CNTNAP2: variants seen among roughly 807,000 people sequenced by gnomAD.
CNTNAP2 encodes contactin associated protein 2.
CNTNAP2 carries 98 observed loss-of-function variants against 155.2 expected under a neutral mutation model. The observed-to-expected ratio is 0.63, with a 90% CI of 0.54 to 0.75. CNTNAP2 has a LOEUF of 0.75. Among genes scored for constraint, CNTNAP2 ranks in the 30% least tolerant of loss-of-function variants. CNTNAP2 has a pLI of 0.00. For missense variants in CNTNAP2, 1,727 were observed against 1,688.1 expected, an observed-to-expected ratio of 1.02 and a Z score of -0.40; for synonymous variants, 651 against 631.2, an observed-to-expected ratio of 1.03 and a Z score of -0.47.
At chr7:146,125,059 A>G (rs1797615300) in intron 1 of CNTNAP2, among the ~76,000 whole-genome samples, 1 of 152,204 alleles carries the variant, frequency 6.6e-6, no homozygotes, top group Admixed American at 6.5e-5. Context: ...ATCCCTAAAG[A>G]ATATGTTAAA....
intron 13 of CNTNAP2, among the ~76,000 whole-genome samples, chr7:147,736,730 C>G (rs1026754931): frequency 6.6e-6 from 1 of 152,084 alleles, no homozygotes; most frequent in Non-Finnish European, 1.5e-5. Flanking sequence ...TCTTTTTATT[C>G]TTTTTTCTCT....
At chr7:148,167,846 C>G (rs1272921777) in intron 17 of CNTNAP2, among the ~76,000 whole-genome samples, 1 of 152,056 alleles carries the variant, frequency 6.6e-6, no homozygotes. Flanking sequence ...TCCAAAGACC[C>G]AAGAATCAAG....
At chr7:147,096,991 T>TA (rs1193993874) in intron 4 of CNTNAP2, among the ~76,000 whole-genome samples, 4 of 152,174 alleles carry the variant, frequency 2.6e-5, no homozygotes, top group Admixed American at 2.6e-4. Context: ...ATGGTTGAGG[T>TA]AAAATTTTCA....
chr7:147,550,432 G>A (rs1799828882), intron 11 of CNTNAP2, among the ~76,000 whole-genome samples: 2 of 152,318 alleles, frequency 1.3e-5, no homozygotes, highest in South Asian at 2.1e-4. Flanking sequence ...CACCATGTAA[G>A]ATATGCCTTT....
intron 1 of CNTNAP2, among the ~76,000 whole-genome samples, chr7:146,630,055 T>C (rs1422542903): frequency 6.6e-6 from 1 of 152,012 alleles, no homozygotes; most frequent in Non-Finnish European, 1.5e-5. Context: ...CTAGGTGGTT[T>C]GCTGCACCTA....
chr7:147,660,297 C>A (rs927117625), intron 13 of CNTNAP2, among the ~76,000 whole-genome samples: 1 of 152,184 alleles, frequency 6.6e-6, no homozygotes, highest in Non-Finnish European at 1.5e-5. Flanking sequence ...TTCCTACAAC[C>A]TTTTCCTCCT....
intron 8 of CNTNAP2, among the ~76,000 whole-genome samples, chr7:147,263,604 T>A (rs982406005): frequency 2.0e-5 from 3 of 152,206 alleles, no homozygotes; most frequent in South Asian, 4.1e-4. Context: ...GACTTATACA[T>A]AATATTAAAT....
At chr7:148,159,788 T>C (rs1805482304) in intron 17 of CNTNAP2, among the ~76,000 whole-genome samples, 1 of 152,214 alleles carries the variant, frequency 6.6e-6, no homozygotes, top group South Asian at 2.1e-4. Context: ...CTATCAATAG[T>C]TCTATCAGTG....
intron 21 of CNTNAP2, among the ~76,000 whole-genome samples, chr7:148,269,494 C>G (rs1321330464): frequency 6.6e-6 from 1 of 152,154 alleles, no homozygotes; most frequent in African/African-American, 2.4e-5. Flanking sequence ...AAGAAACAAA[C>G]GTCACAACAA....
rs558602267 is a variant in CNTNAP2, at chr7:148,068,492, C to G, written c.2384-49626C>G. Among the ~76,000 whole-genome samples, 3 of 152,316 alleles carry G rather than the reference C, an allele frequency of 2.0e-5. No individual in the cohort carries two copies. The South Asian group carries it at 6.2e-4, about 32-fold the overall frequency. ...ATGTGTTCAGAAGTGGACTTTCCCTCCTCACGCTTTGGGCACTCACAGTGT... is the reference window on the plus strand; with the variant it reads ...ATGTGTTCAGAAGTGGACTTTCCCTGCTCACGCTTTGGGCACTCACAGTGT... On this transcript the variant is annotated intron_variant, in intron 15 of 23. Transcript: ENST00000361727.
intron 1 of CNTNAP2, among the ~76,000 whole-genome samples, chr7:146,376,215 T>C (rs1795300979): frequency 6.6e-6 from 1 of 152,202 alleles, no homozygotes; most frequent in Non-Finnish European, 1.5e-5. Context: ...GTCTTTGCTT[T>C]TTACCTCTGG....
At chr7:147,314,634 A>G (rs199555507) in intron 9 of CNTNAP2, among the ~76,000 whole-genome samples, 1 of 14,238 alleles carries the variant, frequency 7.0e-5, no homozygotes, top group African/African-American at 5.9e-4. Context: ...CATGCTTCAA[A>G]AAGTCAGCAA....
At chr7:147,531,870 G>C (rs1288869245) in intron 11 of CNTNAP2, among the ~76,000 whole-genome samples, 1 of 148,474 alleles carries the variant, frequency 6.7e-6, no homozygotes, top group East Asian at 2.0e-4. Context: ...GCAGTGGTGT[G>C]ATCTCAGCTC....
chr7:148,317,769 C>T (rs1024391876), intron 21 of CNTNAP2, among the ~76,000 whole-genome samples: 2 of 151,464 alleles, frequency 1.3e-5, no homozygotes, highest in Admixed American at 6.6e-5. Context: ...GGTGCGATCT[C>T]GGCTCACTGC....
intron 1 of CNTNAP2, among the ~76,000 whole-genome samples, chr7:146,413,460 G>T (rs1342815572): frequency 6.6e-6 from 1 of 152,130 alleles, no homozygotes; most frequent in Non-Finnish European, 1.5e-5. Flanking sequence ...GCTGGAAATA[G>T]GTTATTTTCT....
At chr7:147,147,483 AAAAC>A (rs1801730094) in intron 8 of CNTNAP2, among the ~76,000 whole-genome samples, 1 of 152,208 alleles carries the variant, frequency 6.6e-6, no homozygotes, top group African/African-American at 2.4e-5. Flanking sequence ...AAAAAAAACA[AAAAC>A]AAAGTGTGTC....
At chr7:147,505,435 ATC>A (rs1440523038) in intron 11 of CNTNAP2, among the ~76,000 whole-genome samples, 1 of 152,110 alleles carries the variant, frequency 6.6e-6, no homozygotes, top group South Asian at 2.1e-4. Context: ...ACATGCAAAA[ATC>A]TCTTTTATTA....
chr7:146,574,198 TAAAAC>T (rs67819385), intron 1 of CNTNAP2, among the ~76,000 whole-genome samples: 120,989 of 151,168 alleles, frequency 0.8, 48,920 homozygotes, highest in South Asian at 0.88. Context: ...CTCTGTTCTT[TAAAAC>T]AAAACAAAAC....
intron 1 of CNTNAP2, among the ~76,000 whole-genome samples, chr7:146,239,062 GA>G (rs2116924942): frequency 6.6e-6 from 1 of 152,232 alleles, no homozygotes; most frequent in Admixed American, 6.5e-5. Context: ...ATATCTCTAG[GA>G]AAATGTTGTA....
Sources: gnomAD v4.1 joint callset for allele counts (sites outside exome capture counted in the v4.1 genomes callset) on GRCh38, gnomAD v4.1.1 for gene constraint, MANE v1.5 for transcripts, NCBI Gene and HGNC (gene_info 2026-07-23, HGNC 2026-07-21) for gene names.